MTA3: variants seen among roughly 807,000 people sequenced by gnomAD.
MTA3 encodes the protein metastasis associated 1 family member 3.
In MTA3, 34 loss-of-function variants were observed where a neutral mutation model predicts 83.5. That is an observed-to-expected ratio of 0.41 (90% confidence interval 0.31 to 0.54). MTA3 has a LOEUF of 0.54. Among genes scored for constraint, MTA3 ranks in the 20% least tolerant of loss-of-function variants. The pLI is 0.33. For missense variants in MTA3, 761 were observed against 726.4 expected, an observed-to-expected ratio of 1.05 and a Z score of -0.55; for synonymous variants, 303 against 252.7, an observed-to-expected ratio of 1.20 and a Z score of -1.89.
At chr2:42,610,614 T>C (rs1684072565) in intron 4 of MTA3, among the ~76,000 whole-genome samples, 1 of 152,198 alleles carries the variant, frequency 6.6e-6, no homozygotes, top group Non-Finnish European at 1.5e-5. Flanking sequence ...ATTTAAGATA[T>C]TGTTGAGCTT....
intron 3 of MTA3, among the ~76,000 whole-genome samples, chr2:42,599,944 C>A (rs1242167598): frequency 6.6e-6 from 1 of 152,096 alleles, no homozygotes; most frequent in African/African-American, 2.4e-5. Flanking sequence ...CGCTTGTAAT[C>A]CCAGCACTTT....
chr2:42,528,988 G>T (rs556016391), intron 2 of MTA3, among the ~76,000 whole-genome samples: 2 of 152,302 alleles, frequency 1.3e-5, no homozygotes, highest in South Asian at 4.1e-4. Flanking sequence ...TTGGAGATTG[G>T]TACTGGAGTA....
intron 6 of MTA3, among the ~76,000 whole-genome samples, chr2:42,652,043 G>A (rs1207582919): frequency 6.6e-6 from 1 of 152,056 alleles, no homozygotes; most frequent in Non-Finnish European, 1.5e-5. Flanking sequence ...GTTGCAGTGA[G>A]CCAAGATCAC....
In MTA3 at chr2:42,584,527, A is replaced by G. The variant is rs180816526; in HGVS notation, c.190+5327A>G. 3.0e-3 allele frequency among the ~76,000 whole-genome samples: 463 copies of G among 152,218 alleles called. 1 individual carries two copies. The highest frequency in any genetic ancestry group is 5.6e-3 in the Non-Finnish European group (381 of 68,004). ...TTATTTTCTGAACCATTTAATGGTA[A>G]GTTGGAGACTTCAGTGTATTTTTTT... On this transcript the variant is annotated intron_variant, in intron 3 of 16. Transcript: ENST00000405094.
chr2:42,739,928 T>G (rs1451318996), intron 16 of MTA3, among the ~76,000 whole-genome samples: 1 of 152,246 alleles, frequency 6.6e-6, no homozygotes, highest in Non-Finnish European at 1.5e-5. Flanking sequence ...GTTCCACTTC[T>G]CATTCTAATT....
intron 8 of MTA3, among the ~76,000 whole-genome samples, chr2:42,673,475 T>G (rs2104413523): frequency 6.6e-6 from 1 of 152,344 alleles, no homozygotes; most frequent in Non-Finnish European, 1.5e-5. Context: ...TTTTGGGACG[T>G]AGCCATCAGT....
chr2:42,554,051 T>C (rs1677262423), intron 2 of MTA3, among the ~76,000 whole-genome samples: 1 of 151,842 alleles, frequency 6.6e-6, no homozygotes, highest in African/African-American at 2.4e-5. Context: ...CTGACCAACA[T>C]GGAGAAACTC....
chr2:42,681,855 C>T (rs1691953274), intron 8 of MTA3, among the ~76,000 whole-genome samples: 1 of 148,952 alleles, frequency 6.7e-6, no homozygotes, highest in African/African-American at 2.5e-5. Context: ...CATGCCACAG[C>T]ACTCCAGCAT....
At chr2:42,557,738 A>C (rs1677467375) in intron 2 of MTA3, among the ~76,000 whole-genome samples, 1 of 152,168 alleles carries the variant, frequency 6.6e-6, no homozygotes, top group Admixed American at 6.6e-5. Flanking sequence ...GTCCTTTTTG[A>C]AATCAAGAGT....
At chr2:42,747,369 A>G (rs756761729) in intron 16 of MTA3, among the ~76,000 whole-genome samples, 14 of 152,156 alleles carry the variant, frequency 9.2e-5, no homozygotes, top group South Asian at 4.2e-4. Context: ...CCTTTCTGAA[A>G]TGAGGGTCTT....
intron 3 of MTA3, 95 bp from the exon 4 acceptor site, chr2:42,609,363 G>T: frequency 7.6e-7 from 1 of 1,320,372 alleles, no homozygotes; most frequent in South Asian, 1.4e-5. Context: ...TTAGTTTGAA[G>T]AAAATATTGA....
At chr2:42,570,013 C>G (rs1441113537) in intron 1 of MTA3, 1 of 151,612 alleles carries the variant, frequency 6.6e-6, no homozygotes, top group African/African-American at 2.4e-5. Context: ...AAGCCTTTCT[C>G]CCTGCTCTGA....
chr2:42,692,136 G>A (rs1394984522), intron 9 of MTA3, among the ~76,000 whole-genome samples: 1 of 151,936 alleles, frequency 6.6e-6, no homozygotes, highest in African/African-American at 2.4e-5. Context: ...GATCCTATAA[G>A]CAGGCTTCAT....
chr2:42,608,631 C>T (rs1376443947), intron 3 of MTA3, among the ~76,000 whole-genome samples: 4 of 152,098 alleles, frequency 2.6e-5, no homozygotes, highest in African/African-American at 9.7e-5. Flanking sequence ...GCCTGTAATC[C>T]CAGCACTTTG....
At chr2:42,580,180 C>G (rs911986625) in intron 3 of MTA3, among the ~76,000 whole-genome samples, 1 of 151,932 alleles carries the variant, frequency 6.6e-6, no homozygotes, top group Non-Finnish European at 1.5e-5. Flanking sequence ...CTCTTGGGCT[C>G]AAGTGATCCT....
intron 2 of MTA3, among the ~76,000 whole-genome samples, chr2:42,577,795 C>T (rs1360663044): frequency 6.6e-6 from 1 of 152,038 alleles, no homozygotes; most frequent in Non-Finnish European, 1.5e-5. Flanking sequence ...TTTAATGTCT[C>T]AAGAAGAGAC....
intron 4 of MTA3, among the ~76,000 whole-genome samples, chr2:42,633,434 C>T (rs769225139): frequency 2.8e-4 from 42 of 151,792 alleles, no homozygotes; most frequent in Non-Finnish European, 4.6e-4. Flanking sequence ...CAAAAGTTAG[C>T]GGGGCCTGGT....
intron 4 of MTA3, 147 bp from the exon 5 acceptor site, chr2:42,640,026 G>A (rs1687565539): frequency 1.8e-6 from 1 of 552,422 alleles, no homozygotes; most frequent in Admixed American, 3.5e-5. Context: ...GGATTGTAAA[G>A]TGGGTCTAAA....
upstream of MTA3, among the ~76,000 whole-genome samples, chr2:42,566,867 A>G (rs1677934158): frequency 6.6e-6 from 1 of 152,224 alleles, no homozygotes; most frequent in Admixed American, 6.5e-5. Flanking sequence ...ATTCTAGGCC[A>G]GAGGAAAGGG....
Sources: allele counts gnomAD v4.1 joint callset (sites outside exome capture counted in the v4.1 genomes callset), GRCh38; gene constraint gnomAD v4.1.1; transcripts MANE v1.5; gene names NCBI Gene and HGNC (gene_info 2026-07-23, HGNC 2026-07-21).